ARAP2: variants seen among roughly 807,000 people sequenced by gnomAD.
ARAP2 encodes the protein ArfGAP with RhoGAP domain, ankyrin repeat and PH domain 2.
A neutral mutation model predicts 194.5 loss-of-function variants in ARAP2; 148 were observed. That is an observed-to-expected ratio of 0.76 (90% CI 0.67 to 0.87). ARAP2 has a LOEUF of 0.87. Ranked by LOEUF, ARAP2 falls within the 40% of genes least tolerant of loss-of-function variation. The pLI is 0.00. For missense variants in ARAP2, 2,128 were observed against 1,989.7 expected (o/e 1.07, Z -1.32); for synonymous variants, 695 against 683.5 (o/e 1.02, Z -0.26).
At chr4:36,139,764 C>G (rs911661689) in intron 19 of ARAP2, among the ~76,000 whole-genome samples, 18 of 151,524 alleles carry the variant, frequency 1.2e-4, no homozygotes, top group African/African-American at 4.4e-4. Context: ...CAAATATTTC[C>G]TAATTTTTCC....
chr4:36,097,365 T>C (rs1002937182), intron 27 of ARAP2, among the ~76,000 whole-genome samples: 4 of 152,084 alleles, frequency 2.6e-5, no homozygotes, highest in Non-Finnish European at 5.9e-5. Flanking sequence ...CAAAACCAAA[T>C]TCCTGTCTGT....
chr4:36,011,824 C>T (rs1038245770), intron 9 of ARAP2, among the ~76,000 whole-genome samples: 1 of 152,068 alleles, frequency 6.6e-6, no homozygotes, highest in African/African-American at 2.4e-5. Context: ...GAAAGTGAAA[C>T]ACAAGAGAGC....
chr4:36,125,464 T>A lies in ARAP2; in HGVS notation c.3641-497A>T, dbSNP rs1010912012. 2.0e-5 allele frequency among the ~76,000 whole-genome samples: 3 copies of A among 152,134 alleles called. No individual in the cohort carries two copies. In the East Asian group the frequency reaches 5.8e-4, roughly 30 times the overall value. ...AAAGCTATGAACTATCCTGGAACTA[T>A]GAACTGTACAGTACCCCTTCGATCC... On this transcript the variant is annotated intron_variant, in intron 21 of 32. Transcript: ENST00000303965.
At chr4:36,028,914 T>C (rs1718434183) in intron 5 of ARAP2, among the ~76,000 whole-genome samples, 1 of 152,052 alleles carries the variant, frequency 6.6e-6, no homozygotes, top group Non-Finnish European at 1.5e-5. Context: ...TTTCTCATGG[T>C]TAATTCCAGT....
At chr4:36,216,730 G>GA (rs562109033) in intron 2 of ARAP2, among the ~76,000 whole-genome samples, 33 of 150,108 alleles carry the variant, frequency 2.2e-4, no homozygotes, top group African/African-American at 5.1e-4. Context: ...CCAGCTGAAA[G>GA]AAAAAAAAAC....
At chr4:36,136,525 C>T (rs934543014) in intron 19 of ARAP2, among the ~76,000 whole-genome samples, 1 of 151,582 alleles carries the variant, frequency 6.6e-6, no homozygotes, top group East Asian at 1.9e-4. Context: ...TGACAAGAAC[C>T]AGAAGTGCCT....
chr4:36,214,593 T>C, intron 2 of ARAP2, 113 bp from the exon 3 acceptor site: 1 of 646,218 alleles, frequency 1.5e-6, no homozygotes, highest in South Asian at 3.2e-5. Flanking sequence ...TATATTTAAG[T>C]GAAGGATTTA....
At chr4:36,148,776 T>C (rs554311185) in intron 16 of ARAP2, among the ~76,000 whole-genome samples, 1 of 152,172 alleles carries the variant, frequency 6.6e-6, no homozygotes, top group Non-Finnish European at 1.5e-5. Flanking sequence ...AGTTGACTGA[T>C]GTAGCAAAGG....
intron 31 of ARAP2, among the ~76,000 whole-genome samples, chr4:36,076,350 G>A (rs1488971962): frequency 6.6e-6 from 1 of 151,904 alleles, no homozygotes; most frequent in Admixed American, 6.6e-5. Context: ...TGATTGGATT[G>A]TCTTCATATA....
chr4:36,028,082 GTATT>G (rs1166919554), intron 5 of ARAP2, among the ~76,000 whole-genome samples: 2 of 152,008 alleles, frequency 1.3e-5, no homozygotes, highest in African/African-American at 2.4e-5. Flanking sequence ...GGTTTATAGT[GTATT>G]TATTATGTTT....
At chr4:36,216,840 G>A (rs1297343061) in intron 2 of ARAP2, among the ~76,000 whole-genome samples, 5 of 152,168 alleles carry the variant, frequency 3.3e-5, no homozygotes. Context: ...TTTAATGACA[G>A]GGATACATCC....
chr4:36,166,923 A>C lies in ARAP2; in HGVS notation c.1973+9T>G. On this transcript the variant is annotated intron_variant, in intron 10 of 32. Coordinates refer to ENST00000303965, the MANE Select transcript of ARAP2 (RefSeq NM_015230.4). ...TAGTACGAACACAAAATGTTTAAAA[A>C]TAGCTTACCTGAAACTCCTGTAGGG... 1 of 1,545,602 alleles carries C rather than the reference A, an allele frequency of 6.5e-7. No homozygotes were observed. The highest frequency in any genetic ancestry group is 8.8e-7 in the Non-Finnish European group (1 of 1,140,234).
intron 27 of ARAP2, 72 bp from the exon 28 acceptor site, chr4:36,092,092 C>G: frequency 1.4e-6 from 2 of 1,414,560 alleles, no homozygotes; most frequent in South Asian, 3.4e-5. Flanking sequence ...CAAAACATTT[C>G]TATATTGTCA....
At position 36,019,813 on chromosome 4, in the gene ARAP2, A is replaced by T. The variant is rs552073240; in HGVS notation, n.608-527T>A. Among the ~76,000 whole-genome samples the T allele has an allele frequency of 2.0e-5, 3 of 152,252 alleles. No individual in the cohort carries two copies. The East Asian group carries it at 5.8e-4, about 29-fold the overall frequency. On this transcript the variant is annotated intron_variant and non_coding_transcript_variant, in intron 5 of 12. Coordinates refer to the ARAP2 transcript ENST00000503225. ...TCACTGGGTGTTATAAGATATAGGA[A>T]CAGGTTATAGTTTCTCCTTAAGTCC...
rs573975410 is a variant in ARAP2, at chr4:36,022,460, G to A, written n.608-3174C>T. On this transcript the variant is annotated intron_variant and non_coding_transcript_variant, in intron 5 of 12. Coordinates refer to the ARAP2 transcript ENST00000503225. ...CCAGATACTTATGCTTTCAGCGAGC[G>A]GGGAGTGAGCAGGCACTCACAGGAT... 2.2e-4 allele frequency among the ~76,000 whole-genome samples: 34 copies of A among 152,220 alleles called. 2 individuals are homozygous for A. The South Asian group carries it at 6.9e-3, about 31-fold the overall frequency.
At chr4:36,080,073 A>G in intron 31 of ARAP2, 143 bp downstream of exon 31, 1 of 617,574 alleles carries the variant, frequency 1.6e-6, no homozygotes, top group South Asian at 2.7e-5. Flanking sequence ...TTTAAAAACT[A>G]AGAATGAGAG....
At chr4:36,204,505 G>C (rs1745100525) in intron 6 of ARAP2, among the ~76,000 whole-genome samples, 2 of 152,276 alleles carry the variant, frequency 1.3e-5, no homozygotes, top group African/African-American at 4.8e-5. Flanking sequence ...GAGAGGCATA[G>C]AGAATCCCAA....
At chr4:36,219,642 A>G (rs1748725477) in intron 2 of ARAP2, among the ~76,000 whole-genome samples, 1 of 152,184 alleles carries the variant, frequency 6.6e-6, no homozygotes, top group Non-Finnish European at 1.5e-5. Flanking sequence ...TATGTAAATT[A>G]TGTCTAGTTG....
At chr4:36,022,195 T>C (rs1186922077) in intron 5 of ARAP2, among the ~76,000 whole-genome samples, 3 of 152,110 alleles carry the variant, frequency 2.0e-5, no homozygotes, top group Non-Finnish European at 4.4e-5. Context: ...GAGAGGTAGA[T>C]TAGGAAGGAG....
Sources: gnomAD v4.1 joint callset for allele counts (sites outside exome capture counted in the v4.1 genomes callset) on GRCh38, gnomAD v4.1.1 for gene constraint, MANE v1.5 for transcripts, NCBI Gene and HGNC (gene_info 2026-07-23, HGNC 2026-07-21) for gene names.